Variants in DPP6 observed in about 807,000 individuals in gnomAD.
DPP6 encodes the protein A-type potassium channel modulatory protein DPP6.
A neutral mutation model predicts 122.6 loss-of-function variants in DPP6; 69 were observed. That is an observed-to-expected ratio of 0.56 (90% CI 0.46 to 0.69). The LOEUF is 0.69. DPP6 is among the 30% of genes least tolerant of loss of function. The pLI is 0.00. For missense variants in DPP6, 928 were observed against 1,116.9 expected, an observed-to-expected ratio of 0.83 and a Z score of 2.41; for synonymous variants, 418 against 433.1, an observed-to-expected ratio of 0.97 and a Z score of 0.43.
At chr7:153,924,776 G>A (rs911638363) in intron 1 of DPP6, among the ~76,000 whole-genome samples, 4 of 152,188 alleles carry the variant, frequency 2.6e-5, no homozygotes, top group African/African-American at 7.2e-5. Context: ...GTTGCAGGAC[G>A]TTGTGTGTGC....
intron 1 of DPP6, among the ~76,000 whole-genome samples, chr7:154,291,481 T>G (rs1315572341): frequency 1.3e-5 from 2 of 152,172 alleles, no homozygotes; most frequent in African/African-American, 4.8e-5. Context: ...AACAACTGGA[T>G]TCCATGCTCA....
At chr7:153,889,328 T>C (rs1244441145) in intron 1 of DPP6, among the ~76,000 whole-genome samples, 1 of 152,228 alleles carries the variant, frequency 6.6e-6, no homozygotes. Flanking sequence ...ATAAACAGGA[T>C]AGAAACGTGT....
intron 1 of DPP6, among the ~76,000 whole-genome samples, chr7:154,175,239 A>G (rs1198866091): frequency 2.0e-5 from 3 of 152,046 alleles, no homozygotes; most frequent in Non-Finnish European, 4.4e-5. Flanking sequence ...ACCAATGGGT[A>G]TATTACAGTA....
chr7:153,780,162 G>A, the DPP6 span, among the ~76,000 whole-genome samples: 1 of 152,118 alleles, frequency 6.6e-6, no homozygotes, highest in South Asian at 2.1e-4. Context: ...AGAGAAGTAA[G>A]CTGAGAATCA....
chr7:154,749,266 G>A (rs111343224), intron 8 of DPP6, among the ~76,000 whole-genome samples: 230 of 97,228 alleles, frequency 2.4e-3, no homozygotes, highest in African/African-American at 6.0e-3. Flanking sequence ...AGAGGGTGAG[G>A]GAGCATAGGA....
At chr7:153,787,683 T>C in the DPP6 span, among the ~76,000 whole-genome samples, 3 of 150,748 alleles carry the variant, frequency 2.0e-5, no homozygotes, top group South Asian at 2.1e-4. Flanking sequence ...GGTGGGAGAA[T>C]TGATTGAGTC....
chr7:154,220,261 G>T (rs867166341), intron 1 of DPP6, among the ~76,000 whole-genome samples: 64 of 152,124 alleles, frequency 4.2e-4, no homozygotes, highest in African/African-American at 1.5e-3. Context: ...GGCCCTTTCT[G>T]CTCTTCCATT....
chr7:154,166,049 G>A (rs569756934), intron 1 of DPP6, among the ~76,000 whole-genome samples: 150 of 152,142 alleles, frequency 9.9e-4, no homozygotes, highest in African/African-American at 3.5e-3. Context: ...TCTGCCGTTG[G>A]CACCCCCAGA....
intron 4 of DPP6, among the ~76,000 whole-genome samples, chr7:154,555,150 C>A (rs61134814): frequency 0.017 from 2,645 of 152,022 alleles, 68 homozygotes; most frequent in African/African-American, 0.06. Context: ...GAAGAAAGTG[C>A]AACCAAACCA....
chr7:154,328,848 C>A (rs759364019), intron 1 of DPP6, among the ~76,000 whole-genome samples: 7 of 152,100 alleles, frequency 4.6e-5, no homozygotes, highest in Non-Finnish European at 8.8e-5. Flanking sequence ...GATGCCAGAG[C>A]CAAAACCTTG....
chr7:154,712,886 A>G (rs1276283552), intron 7 of DPP6, among the ~76,000 whole-genome samples: 2 of 152,192 alleles, frequency 1.3e-5, no homozygotes, highest in African/African-American at 4.8e-5. Flanking sequence ...TGCCCTTCCA[A>G]AAGTCCCCCA....
chr7:154,010,871 A>G (rs1455539101), intron 1 of DPP6, among the ~76,000 whole-genome samples: 2 of 152,196 alleles, frequency 1.3e-5, no homozygotes, highest in Non-Finnish European at 2.9e-5. Flanking sequence ...AAACCCTTGA[A>G]GAATGGTATT....
chr7:154,270,089 A>T (rs10244110), intron 1 of DPP6, among the ~76,000 whole-genome samples: 2 of 151,986 alleles, frequency 1.3e-5, no homozygotes, highest in Non-Finnish European at 2.9e-5. Flanking sequence ...TCATTTTCCC[A>T]TCGAGTTAAA....
At chr7:154,458,940 T>C (rs1391877824) in intron 2 of DPP6, among the ~76,000 whole-genome samples, 6 of 151,932 alleles carry the variant, frequency 3.9e-5, no homozygotes, top group Non-Finnish European at 8.8e-5. Context: ...AGAAAGGAAA[T>C]GAAATTCTTT....
intron 1 of DPP6, among the ~76,000 whole-genome samples, chr7:154,404,875 CA>C (rs959684023): frequency 6.0e-5 from 9 of 149,546 alleles, no homozygotes; most frequent in East Asian, 5.8e-4. Context: ...GACCCAATTA[CA>C]AAAAAAAATG....
chr7:154,644,804 G>C (rs1836340986), intron 6 of DPP6, among the ~76,000 whole-genome samples: 1 of 150,776 alleles, frequency 6.6e-6, no homozygotes, highest in African/African-American at 2.4e-5. Flanking sequence ...CACCTCCCAG[G>C]TTCAAGCAAT....
At chr7:153,935,577 A>C (rs1169506497) in intron 1 of DPP6, among the ~76,000 whole-genome samples, 1 of 152,216 alleles carries the variant, frequency 6.6e-6, no homozygotes. Flanking sequence ...TGCATGGTAC[A>C]TAAAGAAATG....
intron 1 of DPP6, among the ~76,000 whole-genome samples, chr7:154,155,021 T>C (rs199662265): frequency 6.6e-6 from 1 of 151,484 alleles, no homozygotes; most frequent in African/African-American, 2.4e-5. Flanking sequence ...ACAGTGTCCT[T>C]GGGTATTTAC....
intron 1 of DPP6, among the ~76,000 whole-genome samples, chr7:154,337,266 C>T (rs1023986656): frequency 3.3e-5 from 5 of 152,046 alleles, no homozygotes; most frequent in African/African-American, 1.2e-4. Flanking sequence ...TGTGCAAATG[C>T]CCCCGGCCAG....
Sources: gnomAD v4.1 joint callset for allele counts (sites outside exome capture counted in the v4.1 genomes callset) on GRCh38, gnomAD v4.1.1 for gene constraint, MANE v1.5 for transcripts, NCBI Gene and HGNC (gene_info 2026-07-23, HGNC 2026-07-21) for gene names.